MYH9: variants seen among roughly 807,000 people sequenced by gnomAD.
The protein encoded by MYH9 is myosin heavy chain 9.
In MYH9, 29 loss-of-function variants were observed where a neutral mutation model predicts 241.9. That is an observed-to-expected ratio of 0.12 (90% CI 0.09 to 0.16). The LOEUF is 0.16. Among genes scored for constraint, MYH9 ranks in the 10% least tolerant of loss-of-function variants. The pLI is 1.00. For missense variants in MYH9, 1,803 were observed against 2,595.5 expected (o/e 0.69, Z 6.63); for synonymous variants, 1,047 against 1,062.6 (o/e 0.99, Z 0.29).
rs138169259 is a variant in MYH9 at position 36,307,803 on chromosome 22, A to G, written c.1844-1196T>C. On this transcript the variant is annotated intron_variant, in intron 15 of 40. Transcript: ENST00000216181. ...CTTGGGAGGCTGAGGCAGGAGAATC[A>G]CTTGAACCCAGGAGGCGGAGGTTGC... Among the ~76,000 whole-genome samples, 1,217 of 151,810 alleles carry G rather than the reference A, an allele frequency of 8.0e-3. 23 individuals are homozygous for G. Among genetic ancestry groups the G allele is most frequent in the African/African-American group, 0.027 (1,098 of 41,382 alleles).
intron 12 of MYH9, among the ~76,000 whole-genome samples, chr22:36,314,524 C>T (rs974754030): frequency 6.6e-6 from 1 of 152,160 alleles, no homozygotes; most frequent in South Asian, 2.1e-4. Context: ...CCAGTGACCG[C>T]GGGCAGTCTG....
chr22:36,348,841 GCCCCCCCC>G, intron 2 of MYH9, 55 bp downstream of exon 2: 1 of 1,041,772 alleles, frequency 9.6e-7, no homozygotes, highest in Non-Finnish European at 1.4e-6. Flanking sequence ...GGGAAGACCC[GCCCCCCCC>G]CCCCACCTCG....
At position 36,288,410 on chromosome 22, in the gene MYH9, G is replaced by A. The variant is rs1381655090; in HGVS notation, c.4774C>T (p.Arg1592Trp). The change falls in exon 34 of 41, where the codon CGG becomes TGG. Residue 1592 changes from arginine to tryptophan, a missense_variant. Arg to Trp is a moderately radical substitution (Grantham distance 101). Around this residue, in one of 11 missense-constraint regions of MYH9, gnomAD observed 876 missense variants for 1,077.8 expected, o/e 0.81. Transcript: ENST00000216181. This position sits in a 1 kb window ranked among gnomAD's most constrained non-coding sequence, Gnocchi z 4.8. ...TCCTCCAGCTCTGCCTCCATCTCCC[G>A]CACCTGGGGGAAGGAACATCAACAA... ...EKKKQLVRQVREMEAELEDER... is the reference protein window; with the variant it reads ...EKKKQLVRQVWEMEAELEDER... 3 of 1,609,092 alleles carry A rather than the reference G, an allele frequency of 1.9e-6. No homozygotes were observed. The highest frequency in any genetic ancestry group is 1.1e-5 in the South Asian group (1 of 91,054).
In MYH9 at chr22:36,285,391, G is replaced by C. The variant is rs2016562994; in HGVS notation, c.5275-62C>G. On this transcript the variant is annotated intron_variant, in intron 37 of 40. Transcript: ENST00000216181. The surrounding 1 kb of genome is among the most constrained non-coding windows in gnomAD (Gnocchi z 7.0). Reference sequence around the variant, plus strand: ...GGGCCCTGGCTGGAGGGCATGAGCAGGGCCAGAGGAAGGTGGCAGCAGGAT... The same window carrying C: ...GGGCCCTGGCTGGAGGGCATGAGCACGGCCAGAGGAAGGTGGCAGCAGGAT... The C allele has an allele frequency of 5.2e-6, 8 of 1,547,408 alleles. No homozygotes were observed. Among genetic ancestry groups the C allele is most frequent in the East Asian group, 2.2e-5 (1 of 44,636 alleles).
chr22:36,299,079 T>C (rs1469982112), intron 23 of MYH9, 37 bp from the exon 24 acceptor site: 9 of 1,613,242 alleles, frequency 5.6e-6, no homozygotes, highest in East Asian at 2.2e-5. Context: ...TTAGTGTTGG[T>C]TGAGCACAGA....
At chr22:36,383,971 A>G (rs1219100775) in intron 1 of MYH9, among the ~76,000 whole-genome samples, 2 of 146,550 alleles carry the variant, frequency 1.4e-5, no homozygotes, top group Non-Finnish European at 3.0e-5. Context: ...AAAAAAAAAA[A>G]AAAAGTGGGC....
At chr22:36,316,366 AAAC>A (rs2017151807) in intron 12 of MYH9, 148 bp downstream of exon 12, 7 of 1,159,066 alleles carry the variant, frequency 6.0e-6, no homozygotes, top group Admixed American at 2.2e-5. Context: ...AAAAAAAAAA[AAAC>A]AACCCCACAC....
intron 11 of MYH9, 46 bp from the exon 12 acceptor site, chr22:36,316,715 G>C: frequency 6.2e-7 from 1 of 1,611,144 alleles, no homozygotes. Context: ...CAAAGGATCT[G>C]AAAACCCTCA....
At chr22:36,298,895 A>G in intron 24 of MYH9, 24 bp downstream of exon 24, 1 of 1,611,932 alleles carries the variant, frequency 6.2e-7, no homozygotes, top group Non-Finnish European at 8.5e-7. Flanking sequence ...CCTGCCCATC[A>G]CCTCCTGCTC....
At chr22:36,335,367 A>G (rs739095) in intron 3 of MYH9, among the ~76,000 whole-genome samples, 149,912 of 152,354 alleles carry the variant, frequency 0.98, 73,767 homozygotes, top group East Asian at 1. Flanking sequence ...GCCTGCTCCC[A>G]ACCTCCCCAG....
At chr22:36,282,915 G>A in intron 40 of MYH9, 130 bp from the exon 41 acceptor site, 1 of 795,802 alleles carries the variant, frequency 1.3e-6, no homozygotes, top group Non-Finnish European at 2.0e-6. Context: ...CCAGAAAGAA[G>A]CAAAGTGGAG....
chr22:36,308,078 C>G (rs1236199365), intron 15 of MYH9, among the ~76,000 whole-genome samples: 1 of 152,044 alleles, frequency 6.6e-6, no homozygotes, highest in Non-Finnish European at 1.5e-5. Context: ...CCCCATGGAG[C>G]AGACCTTGCC....
At chr22:36,311,376 C>A (rs1328267723) in intron 14 of MYH9, among the ~76,000 whole-genome samples, 1 of 152,134 alleles carries the variant, frequency 6.6e-6, no homozygotes, top group Non-Finnish European at 1.5e-5. Context: ...CCTCCCCCCC[C>A]GAAACTAGGA....
At position 36,288,556 on chromosome 22, in the gene MYH9, C is replaced by CT; in HGVS notation, c.4771-144dup. On this transcript the variant is annotated intron_variant, in intron 33 of 40. Coordinates refer to ENST00000216181, the MANE Select transcript of MYH9 (RefSeq NM_002473.6). The surrounding 1 kb of genome is among the most constrained non-coding windows in gnomAD (Gnocchi z 4.8). ...GTGGGGATTACTGACCATAAGAACTCTAAGAAAGTGAGTCACTGAACCCCG... is the reference window on the plus strand; with the variant it reads ...GTGGGGATTACTGACCATAAGAACTCTTAAGAAAGTGAGTCACTGAACCCCG... The CT allele has an allele frequency of 2.9e-6, 4 of 1,367,580 alleles. No homozygotes were observed. Among genetic ancestry groups the CT allele is most frequent in the Non-Finnish European group, 4.1e-6 (4 of 973,946 alleles). 84.7% of individuals were successfully genotyped at this position (1,367,580 alleles called of 1,614,324 possible).
intron 30 of MYH9, 29 bp from the exon 31 acceptor site, chr22:36,292,263 C>T: frequency 6.2e-7 from 1 of 1,612,786 alleles, no homozygotes; most frequent in South Asian, 1.1e-5. Context: ...TAAGCAGATG[C>T]CCGAGATGGC....
chr22:36,311,960 A>C, intron 14 of MYH9, 89 bp downstream of exon 14: 1 of 1,541,786 alleles, frequency 6.5e-7, no homozygotes, highest in Non-Finnish European at 9.0e-7. Context: ...CTGCGTCCCC[A>C]GCAGCTGCCC....
chr22:36,348,153 A>C (rs1367359742), intron 2 of MYH9, among the ~76,000 whole-genome samples: 1 of 148,982 alleles, frequency 6.7e-6, no homozygotes, highest in African/African-American at 2.4e-5. Context: ...TTTTAAAGAT[A>C]TTTAAAAAAT....
At chr22:36,296,548 T>G (rs2016791073) in intron 25 of MYH9, among the ~76,000 whole-genome samples, 2 of 150,790 alleles carry the variant, frequency 1.3e-5, no homozygotes, top group Admixed American at 1.3e-4. Flanking sequence ...GTCTTTTTTT[T>G]TTTTTTTTTT....
intron 3 of MYH9, among the ~76,000 whole-genome samples, chr22:36,332,948 A>G (rs1360723251): frequency 1.3e-5 from 2 of 152,168 alleles, no homozygotes; most frequent in Non-Finnish European, 2.9e-5. Flanking sequence ...CTGACCACCC[A>G]CAGCACATGC....
Sources: allele counts gnomAD v4.1 joint callset (sites outside exome capture counted in the v4.1 genomes callset), GRCh38; gene constraint gnomAD v4.1.1; regional missense constraint gnomAD v4.1.1; non-coding constraint Gnocchi (gnomAD v3.1); transcripts MANE v1.5; gene names NCBI Gene and HGNC (gene_info 2026-07-23, HGNC 2026-07-21).